The following LARP1B variants were observed in gnomAD, a reference collection of about 807,000 sequenced individuals.
LARP1B encodes la-related protein 1B.
A neutral mutation model predicts 114.2 loss-of-function variants in LARP1B; 76 were observed. The ratio of observed to expected loss-of-function variants is 0.67; its 90% confidence interval spans 0.55 to 0.81. The LOEUF is 0.81. Ranked by LOEUF, LARP1B falls within the 30% of genes least tolerant of loss-of-function variation. The pLI, the probability that LARP1B is intolerant of heterozygous loss-of-function variation, is 0.00. For synonymous variants in LARP1B, 345 were observed against 348.0 expected (o/e 0.99, Z 0.10); for missense variants, 1,014 against 1,075.8 (o/e 0.94, Z 0.80).
rs1260880149 is a variant in LARP1B at position 128,100,805 on chromosome 4, CT to C, written c.813+2486del. 9.0e-4 allele frequency among the ~76,000 whole-genome samples: 127 copies of C among 140,372 alleles called. 1 individual carries two copies. The East Asian group carries it at 0.012, about 13-fold the overall frequency. The allele number at this position is 140,372 out of a possible 152,430, so 92.1% of individuals were successfully genotyped here. On this transcript the variant is annotated intron_variant, in intron 8 of 19. Transcript: ENST00000326639. ...TTGTCTTTTCATTTTCTTTTCTTTTCTTTTTTTTTTTGTTTTTTGTTTTTGT... is the reference window on the plus strand; with the variant it reads ...TTGTCTTTTCATTTTCTTTTCTTTTCTTTTTTTTTTGTTTTTTGTTTTTGT...
intron 12 of LARP1B, among the ~76,000 whole-genome samples, chr4:128,163,036 A>G (rs1413621566): frequency 6.6e-6 from 1 of 152,182 alleles, no homozygotes; most frequent in Non-Finnish European, 1.5e-5. Flanking sequence ...TATCATATCT[A>G]AAATTAACAG....
At chr4:128,221,802 C>T (rs928416617) in intron 7 of LARP1B, among the ~76,000 whole-genome samples, 6 of 152,156 alleles carry the variant, frequency 3.9e-5, no homozygotes, top group Non-Finnish European at 7.4e-5. Context: ...TTAACTGCTG[C>T]TCTAGAGACA....
intron 11 of LARP1B, chr4:128,122,389 G>T: frequency 4.1e-6 from 6 of 1,469,858 alleles, no homozygotes; most frequent in Non-Finnish European, 5.4e-6. Flanking sequence ...ACAGCGTGAT[G>T]AATACTGTAA....
At chr4:128,063,144 T>C (rs1438926292) in intron 1 of LARP1B, among the ~76,000 whole-genome samples, 1 of 152,058 alleles carries the variant, frequency 6.6e-6, no homozygotes, top group African/African-American at 2.4e-5. Context: ...AAAGTAAAAA[T>C]GGGCCGGCGC....
chr4:128,158,662 C>G (rs2150399034), intron 11 of LARP1B, among the ~76,000 whole-genome samples: 1 of 152,238 alleles, frequency 6.6e-6, no homozygotes, highest in African/African-American at 2.4e-5. Flanking sequence ...AGCTTTTCAG[C>G]CTCATTAGTA....
At chr4:128,136,840 G>A (rs1039466533) in intron 11 of LARP1B, among the ~76,000 whole-genome samples, 2 of 152,080 alleles carry the variant, frequency 1.3e-5, no homozygotes, top group South Asian at 2.1e-4. Context: ...GGCCTCAAGA[G>A]ATTCTATGGC....
At chr4:128,191,541 G>C (rs1461203989) in intron 15 of LARP1B, among the ~76,000 whole-genome samples, 1 of 152,170 alleles carries the variant, frequency 6.6e-6, no homozygotes, top group Admixed American at 6.5e-5. Flanking sequence ...CTGCCTGTCA[G>C]ATGGTGGGGG....
At chr4:128,156,165 C>A in intron 11 of LARP1B, 1 of 1,610,470 alleles carries the variant, frequency 6.2e-7, no homozygotes, top group Middle Eastern at 2.2e-4. Context: ...GAGACCCATC[C>A]TCTGACCCCC....
chr4:128,082,903 A>C (rs1306112902), intron 5 of LARP1B, among the ~76,000 whole-genome samples: 4 of 150,778 alleles, frequency 2.7e-5, no homozygotes, highest in Non-Finnish European at 5.9e-5. Flanking sequence ...AGTGGAGGGA[A>C]GGTCGGCAGA....
intron 9 of LARP1B, chr4:128,108,373 A>C: frequency 1.0e-6 from 1 of 988,830 alleles, no homozygotes; most frequent in Non-Finnish European, 1.2e-6. Flanking sequence ...TAAAACTCAG[A>C]TATTGTCATG....
intron 9 of LARP1B, among the ~76,000 whole-genome samples, chr4:128,112,462 C>A (rs917718174): frequency 2.1e-4 from 24 of 115,770 alleles, no homozygotes; most frequent in African/African-American, 6.3e-4. Flanking sequence ...CTAATGCTTA[C>A]TCTATTTTTT....
intron 15 of LARP1B, among the ~76,000 whole-genome samples, chr4:128,181,806 T>G (rs1336049602): frequency 7.2e-6 from 1 of 138,162 alleles, no homozygotes; most frequent in Non-Finnish European, 1.6e-5. Context: ...ATGTCCTTTT[T>G]TTTTTTTTTT....
rs564823215 is a variant in LARP1B, at chr4:128,075,537, T to C, written c.42+544T>C. ...AGCTTAACCTAACCTATTATTTCTT[T>C]CTTTCTTTTCTTTTTTTTTTTTTCC... On this transcript the variant is annotated intron_variant, in intron 3 of 19. Coordinates refer to ENST00000326639, the MANE Select transcript of LARP1B (RefSeq NM_018078.4). Among the ~76,000 whole-genome samples the C allele has an allele frequency of 4.6e-5, 7 of 152,010 alleles. No individual in the cohort carries two copies. The East Asian group carries it at 1.4e-3, about 29-fold the overall frequency.
rs35542391 is a variant in LARP1B at position 128,117,913 on chromosome 4, C to CT, written c.1161+3190dup. Among the ~76,000 whole-genome samples, 974 of 102,542 alleles carry CT rather than the reference C, an allele frequency of 9.5e-3. 18 individuals are homozygous for CT. The highest frequency in any genetic ancestry group is 0.029 in the African/African-American group (827 of 28,268). The allele number at this position is 102,542 out of a possible 152,430, so 67.3% of individuals were successfully genotyped here. A position where few individuals can be genotyped will look rare whatever the true frequency, so the allele number is the denominator to read the frequency against. ...GTAGGTCTAATTTTAAACAGAAAAT[C>CT]TTTTTTTTTTTTTTTTTTTGGCAGA... On this transcript the variant is annotated intron_variant, in intron 10 of 19. Coordinates refer to ENST00000326639, the MANE Select transcript of LARP1B (RefSeq NM_018078.4).
chr4:128,219,746 GTAAC>G (rs1456558873), intron 6 of LARP1B, among the ~76,000 whole-genome samples: 27 of 148,960 alleles, frequency 1.8e-4, no homozygotes, highest in East Asian at 1.8e-3. Context: ...GTATACATAG[GTAAC>G]TAACCTGCAC....
intron 17 of LARP1B, among the ~76,000 whole-genome samples, chr4:128,205,835 T>C (rs1380423951): frequency 1.3e-5 from 2 of 152,196 alleles, no homozygotes; most frequent in Non-Finnish European, 2.9e-5. Flanking sequence ...TCTTCAGAAA[T>C]ACCAGGGAGA....
chr4:128,126,113 C>CTTT (rs76050129), intron 11 of LARP1B, among the ~76,000 whole-genome samples: 18 of 136,032 alleles, frequency 1.3e-4, no homozygotes, highest in African/African-American at 3.0e-4. Context: ...TTAAAATAAT[C>CTTT]TTTTTTTTTT....
At chr4:128,061,016 G>A (rs1328088448), upstream of LARP1B, among the ~76,000 whole-genome samples, 1 of 151,972 alleles carries the variant, frequency 6.6e-6, no homozygotes, top group Non-Finnish European at 1.5e-5. Context: ...GGGGCAGGCC[G>A]CGAGCCAGCC....
chr4:128,162,161 G>C, intron 11 of LARP1B, 33 bp from the exon 12 acceptor site: 1 of 1,605,296 alleles, frequency 6.2e-7, no homozygotes, highest in Non-Finnish European at 8.5e-7. Context: ...CTGTTAGCCA[G>C]TTTAGTAATT....
Sources: allele counts gnomAD v4.1 joint callset (sites outside exome capture counted in the v4.1 genomes callset), GRCh38; gene constraint gnomAD v4.1.1; transcripts MANE v1.5; gene names NCBI Gene and HGNC (gene_info 2026-07-23, HGNC 2026-07-21).